The following NAPG variants were observed in gnomAD, a reference collection of about 807,000 sequenced individuals.
NAPG encodes NSF attachment protein gamma, also known as gamma-soluble NSF attachment protein.
In NAPG, 25 loss-of-function variants were observed where a neutral mutation model predicts 48.4. The observed-to-expected ratio is 0.52, with a 90% CI of 0.38 to 0.72. The LOEUF is 0.72. Among genes scored for constraint, NAPG ranks in the 30% least tolerant of loss-of-function variants. The pLI is 0.00. For synonymous variants in NAPG, 139 were observed against 127.2 expected (o/e 1.09, Z -0.62); for missense variants, 359 against 372.5 (o/e 0.96, Z 0.30).
chr18:10,526,246 G>A (rs1598407839), intron 1 of NAPG, 88 bp downstream of exon 1: 17 of 490,166 alleles, frequency 3.5e-5, no homozygotes, highest in East Asian at 1.7e-4. Context: ...GGGCGGGAGG[G>A]AGGGCTCAGG....
At position 10,544,653 on chromosome 18, in the gene NAPG, C is replaced by G. The variant is rs796886746; in HGVS notation, c.507-1673C>G. ...AGGCCCACACAGACAGTGATTCACT[C>G]GAAGTCAGCTGATTTGTGTCCTAAT... On this transcript the variant is annotated intron_variant, in intron 8 of 11. Coordinates refer to ENST00000322897, the MANE Select transcript of NAPG (RefSeq NM_003826.3). The surrounding 1 kb of genome is among the most constrained non-coding windows in gnomAD (Gnocchi z 5.1). Among the ~76,000 whole-genome samples, 1 of 152,094 alleles carries G rather than the reference C, an allele frequency of 6.6e-6. No individual in the cohort carries two copies. The highest frequency in any genetic ancestry group is 6.6e-5 in the Admixed American group (1 of 15,258).
intron 2 of NAPG, among the ~76,000 whole-genome samples, chr18:10,531,412 C>G (rs1470325671): frequency 6.6e-6 from 1 of 152,066 alleles, no homozygotes; most frequent in Non-Finnish European, 1.5e-5. Context: ...ATGTAGCATT[C>G]TGAATTACAG....
intron 8 of NAPG, among the ~76,000 whole-genome samples, chr18:10,540,999 C>T (rs772187195): frequency 9.9e-5 from 15 of 152,108 alleles, no homozygotes; most frequent in Non-Finnish European, 1.8e-4. Context: ...GATTGTAAGT[C>T]TGCAGATATC....
chr18:10,549,428 C>G (rs1276222592), intron 11 of NAPG, among the ~76,000 whole-genome samples: 3 of 152,176 alleles, frequency 2.0e-5, no homozygotes, highest in African/African-American at 7.2e-5. Flanking sequence ...GACGGACTCT[C>G]TGAAAGAGGT....
chr18:10,546,338 G>A lies in NAPG; in HGVS notation c.519G>A (p.Ala173=), dbSNP rs190981824. The change falls in exon 9 of 12, where the codon GCG becomes GCA. Residue 173 remains alanine, a synonymous_variant. Coordinates refer to ENST00000322897, the MANE Select transcript of NAPG (RefSeq NM_003826.3). This position sits in a 1 kb window ranked among gnomAD's most constrained non-coding sequence, Gnocchi z 4.0. Reference sequence around the variant, plus strand: ...TGTTTTGTTTTAGGTTTGATGAGGCGGCACTCTCTATTCAGAAAGAAAAAA... The same window carrying A: ...TGTTTTGTTTTAGGTTTGATGAGGCAGCACTCTCTATTCAGAAAGAAAAAA... ...LLVRGRRFDE[A]ALSIQKEKNI... is the part of the protein sequence containing the mutation. 4.2e-5 allele frequency: 66 copies of A among 1,579,874 alleles called. No homozygotes were observed. The Admixed American group carries it at 4.9e-4, about 12-fold the overall frequency.
intron 5 of NAPG, among the ~76,000 whole-genome samples, chr18:10,537,220 A>G (rs1250089876): frequency 6.6e-6 from 1 of 152,072 alleles, no homozygotes; most frequent in Non-Finnish European, 1.5e-5. Context: ...CAACCTCCCA[A>G]AGTGCTGGGA....
Position 10,550,165 on chromosome 18 carries a change from T to C in NAPG, c.884T>C (p.Val295Ala). Residue 295 changes from valine to alanine, a missense_variant, in exon 12 of 12, where the codon GTC (valine) becomes GCC (alanine). Transcript: ENST00000322897. The part of the protein sequence containing the change: ...PATPQAKPDG[V>A]TATAADEEED... ...ACACCACAGGCCAAGCCTGATGGTGTCACTGCCACGGCTGCTGATGAAGAG... is the reference window on the plus strand; with the variant it reads ...ACACCACAGGCCAAGCCTGATGGTGCCACTGCCACGGCTGCTGATGAAGAG... The C allele has an allele frequency of 6.3e-7, 1 of 1,588,832 alleles. No homozygotes were observed.
chr18:10,527,350 T>G (rs1192715599), intron 1 of NAPG, among the ~76,000 whole-genome samples: 1 of 152,184 alleles, frequency 6.6e-6, no homozygotes, highest in Non-Finnish European at 1.5e-5. Context: ...CATAACGACT[T>G]GCCCCCAACT....
rs934087784 is a variant in NAPG at position 10,539,489 on chromosome 18, A to G, written c.259-273A>G. 4 of 325,634 alleles carry G rather than the reference A, an allele frequency of 1.2e-5. No individual in the cohort carries two copies. Among genetic ancestry groups the G allele is most frequent in the African/African-American group, 8.5e-5 (4 of 46,894 alleles). 20.2% of individuals were successfully genotyped at this position (325,634 alleles called of 1,614,324 possible). A position where few individuals can be genotyped will look rare whatever the true frequency, so the allele number is the denominator to read the frequency against. On this transcript the variant is annotated intron_variant, in intron 5 of 11. Coordinates refer to ENST00000322897, the MANE Select transcript of NAPG (RefSeq NM_003826.3). The surrounding 1 kb of genome is among the most constrained non-coding windows in gnomAD (Gnocchi z 4.7). ...AGGACACATGGACACAGGGAGGGGA[A>G]CATCACACTCCTGGGCCTGTCGGGG...
intron 2 of NAPG, 52 bp from the exon 3 acceptor site, chr18:10,532,659 T>A: frequency 7.3e-7 from 1 of 1,370,464 alleles, no homozygotes; most frequent in South Asian, 1.3e-5. Context: ...TCAGTAATGA[T>A]TCATTTGAGG....
At position 10,534,416 on chromosome 18, in the gene NAPG, A is replaced by G; in HGVS notation, c.228-50A>G. 1 of 1,572,192 alleles carries G rather than the reference A, an allele frequency of 6.4e-7. No homozygotes were observed. The highest frequency in any genetic ancestry group is 8.7e-7 in the Non-Finnish European group (1 of 1,143,462). On this transcript the variant is annotated intron_variant, in intron 4 of 11. Coordinates refer to ENST00000322897, the MANE Select transcript of NAPG (RefSeq NM_003826.3). This position sits in a 1 kb window ranked among gnomAD's most constrained non-coding sequence, Gnocchi z 5.0. ...AGTTCCTCACCAGAAAGTTTCTTCT[A>G]CCCCTTATTTCGTTAAGATCTCATC... is the stretch of plus-strand genomic sequence containing the variant.
At position 10,550,887 on chromosome 18, in the gene NAPG, C is replaced by T. The variant is rs942052994; in HGVS notation, c.*667C>T. ...AGTCCTCTCTGAAGTGTGGGTATTT[C>T]TTCTATCTAAAAAATACATACAGTG... On this transcript the variant is annotated 3_prime_UTR_variant, in exon 12 of 12. Transcript: ENST00000322897. 5 of 151,994 alleles carry T rather than the reference C, an allele frequency of 3.3e-5. No homozygotes were observed. Among genetic ancestry groups the T allele is most frequent in the African/African-American group, 4.8e-5 (2 of 41,384 alleles). 9.4% of individuals were successfully genotyped at this position (151,994 alleles called of 1,614,324 possible).
Position 10,548,457 on chromosome 18 carries a change from T to C in NAPG, c.665+79T>C, listed in dbSNP as rs563708883. 3.4e-5 allele frequency: 38 copies of C among 1,119,876 alleles called. No homozygotes were observed. In the African/African-American group the frequency reaches 5.4e-4, roughly 16 times the overall value. The allele number at this position is 1,119,876 out of a possible 1,614,324, so 69.4% of individuals were successfully genotyped here. A position where few individuals can be genotyped will look rare whatever the true frequency, so the allele number is the denominator to read the frequency against. ...CAACTAAGATTGCTGCTAGGACACATGTTCCTGGCCATGAAACTGTCATTT... is the reference window on the plus strand; with the variant it reads ...CAACTAAGATTGCTGCTAGGACACACGTTCCTGGCCATGAAACTGTCATTT... On this transcript the variant is annotated intron_variant, in intron 10 of 11. Coordinates refer to ENST00000322897, the MANE Select transcript of NAPG (RefSeq NM_003826.3). The surrounding 1 kb of genome is among the most constrained non-coding windows in gnomAD (Gnocchi z 4.4).
At chr18:10,529,838 G>A (rs1410181133) in intron 1 of NAPG, among the ~76,000 whole-genome samples, 1 of 152,156 alleles carries the variant, frequency 6.6e-6, no homozygotes, top group East Asian at 1.9e-4. Flanking sequence ...TCATACAGAT[G>A]CCTCATCTTT....
Position 10,534,859 on chromosome 18 carries a change from C to T in NAPG, c.258+363C>T, listed in dbSNP as rs544049837. ...TTATAAATATTAAAAAATTATCATA[C>T]ATGGGTTATAGAAGAGATTTTTACT... On this transcript the variant is annotated intron_variant, in intron 5 of 11. Coordinates refer to ENST00000322897, the MANE Select transcript of NAPG (RefSeq NM_003826.3). The surrounding 1 kb of genome is among the most constrained non-coding windows in gnomAD (Gnocchi z 5.0). Among the ~76,000 whole-genome samples, 2 of 152,266 alleles carry T rather than the reference C, an allele frequency of 1.3e-5. No individual in the cohort carries two copies. Among genetic ancestry groups the T allele is most frequent in the East Asian group, 1.9e-4 (1 of 5,186 alleles).
chr18:10,527,187 C>CAA (rs775618160), intron 1 of NAPG, among the ~76,000 whole-genome samples: 6,495 of 105,194 alleles, frequency 0.062, 542 homozygotes, highest in African/African-American at 0.19. Flanking sequence ...GACTCCGTCT[C>CAA]AAAAAAAAAA....
intron 5 of NAPG, among the ~76,000 whole-genome samples, chr18:10,535,539 T>C (rs181450871): frequency 9.8e-5 from 15 of 152,316 alleles, no homozygotes; most frequent in Non-Finnish European, 1.8e-4. Flanking sequence ...CGTGGGTGGA[T>C]TACCTGAGAT....
In NAPG at chr18:10,550,454, GAAA is replaced by G; in HGVS notation, c.*236_*238del. 1 of 394,340 alleles carries G rather than the reference GAAA, an allele frequency of 2.5e-6. No homozygotes were observed. The highest frequency in any genetic ancestry group is 4.4e-6 in the Non-Finnish European group (1 of 225,302). The allele number at this position is 394,340 out of a possible 1,614,324, so 24.4% of individuals were successfully genotyped here. ...TCTAAGACACCAGCAGGAATTAACA[GAAA>G]ATGTACTGTCATGTTTTAATACATT... On this transcript the variant is annotated 3_prime_UTR_variant, in exon 12 of 12. Transcript: ENST00000322897.
Position 10,550,576 on chromosome 18 carries a change from T to C in NAPG, c.*356T>C, listed in dbSNP as rs569516353. ...TATTCTCTCTTGGACACTTGTAAGTTACTGTTAGTGAATTGTTTTTTACGT... is the reference window on the plus strand; with the variant it reads ...TATTCTCTCTTGGACACTTGTAAGTCACTGTTAGTGAATTGTTTTTTACGT... On this transcript the variant is annotated 3_prime_UTR_variant, in exon 12 of 12. Coordinates refer to ENST00000322897, the MANE Select transcript of NAPG (RefSeq NM_003826.3). 6.2e-6 allele frequency: 1 copy of C among 161,436 alleles called. No individual in the cohort carries two copies. The highest frequency in any genetic ancestry group is 1.8e-4 in the South Asian group (1 of 5,612). 10.0% of individuals were successfully genotyped at this position (161,436 alleles called of 1,614,324 possible).
Sources: allele counts gnomAD v4.1 joint callset (sites outside exome capture counted in the v4.1 genomes callset), GRCh38; gene constraint gnomAD v4.1.1; non-coding constraint Gnocchi (gnomAD v3.1); transcripts MANE v1.5; gene names NCBI Gene and HGNC (gene_info 2026-07-23, HGNC 2026-07-21).